VWA3B: variants seen among roughly 807,000 people sequenced by gnomAD.
VWA3B encodes von Willebrand factor A domain containing 3B, also known as von Willebrand factor A domain-containing protein 3B.
A neutral mutation model predicts 158.3 loss-of-function variants in VWA3B; 138 were observed. The ratio of observed to expected loss-of-function variants is 0.87; its 90% CI spans 0.76 to 1.00. The LOEUF (loss-of-function observed/expected upper bound fraction) is 1.00. Ranked by LOEUF, VWA3B falls within the 50% of genes least tolerant of loss-of-function variation. The pLI is 0.00. For synonymous variants in VWA3B, 596 were observed against 587.3 expected (o/e 1.01, Z -0.21); for missense variants, 1,555 against 1,565.1 (o/e 0.99, Z 0.11).
chr2:98,313,849 T>C (rs1435933499), downstream of VWA3B, among the ~76,000 whole-genome samples: 1 of 152,204 alleles, frequency 6.6e-6, no homozygotes, highest in Admixed American at 6.5e-5. Context: ...TACATTGCAG[T>C]GCACAAGGCC....
At chr2:98,268,063 A>C (rs1333998580) in intron 21 of VWA3B, among the ~76,000 whole-genome samples, 1 of 151,886 alleles carries the variant, frequency 6.6e-6, no homozygotes, top group Non-Finnish European at 1.5e-5. Context: ...TTACCAACCA[A>C]AAAGAGTCCA....
chr2:98,244,156 T>C (rs1001353359), intron 19 of VWA3B, among the ~76,000 whole-genome samples: 2 of 152,204 alleles, frequency 1.3e-5, no homozygotes, highest in South Asian at 2.1e-4. Flanking sequence ...GCATATGTTA[T>C]GAACATTTTT....
At chr2:98,104,639 A>G (rs1378933245) in intron 2 of VWA3B, among the ~76,000 whole-genome samples, 1 of 152,238 alleles carries the variant, frequency 6.6e-6, no homozygotes, top group Non-Finnish European at 1.5e-5. Context: ...GTTTGATTCT[A>G]TACATTTAAT....
chr2:98,268,679 CTTT>C (rs74265073), intron 21 of VWA3B, among the ~76,000 whole-genome samples: 5 of 139,334 alleles, frequency 3.6e-5, no homozygotes, highest in Admixed American at 7.1e-5. Context: ...ATCTCCATTC[CTTT>C]TTTTTTTTTT....
At chr2:98,163,285 A>T (rs185321817) in intron 8 of VWA3B, among the ~76,000 whole-genome samples, 1 of 152,250 alleles carries the variant, frequency 6.6e-6, no homozygotes, top group Admixed American at 6.5e-5. Context: ...CACACCTGTT[A>T]CCCCAGCACT....
intron 19 of VWA3B, among the ~76,000 whole-genome samples, chr2:98,239,015 G>T (rs191377463): frequency 6.6e-6 from 1 of 152,160 alleles, no homozygotes; most frequent in South Asian, 2.1e-4. Context: ...CCATCAAATT[G>T]GTAAGGTTAA....
At chr2:98,215,970 T>G (rs1273613653) in intron 13 of VWA3B, among the ~76,000 whole-genome samples, 1 of 152,212 alleles carries the variant, frequency 6.6e-6, no homozygotes, top group African/African-American at 2.4e-5. Flanking sequence ...GATATGGAGA[T>G]GTACCACTCA....
At chr2:98,200,559 A>G (rs991650850) in intron 12 of VWA3B, among the ~76,000 whole-genome samples, 1 of 152,020 alleles carries the variant, frequency 6.6e-6, no homozygotes, top group African/African-American at 2.4e-5. Context: ...AAAAAAAAAA[A>G]AAGACTGACT....
At chr2:98,319,285 A>C in the VWA3B span, among the ~76,000 whole-genome samples, 1 of 152,224 alleles carries the variant, frequency 6.6e-6, no homozygotes, top group Non-Finnish European at 1.5e-5. Context: ...TTCCAGGTGC[A>C]ATAAAATGTT....
In VWA3B at chr2:98,188,097, A is replaced by T. The variant is rs753468105; in HGVS notation, c.1434A>T (p.Arg478Ser). The T allele has an allele frequency of 1.2e-6, 2 of 1,613,846 alleles. No individual in the cohort carries two copies. The highest frequency in any genetic ancestry group is 2.2e-5 in the South Asian group (2 of 91,024). The change falls in exon 10 of 28, where the codon AGA (arginine) becomes AGT (serine). Residue 478 changes from arginine (R) to serine (S), a missense_variant. Transcript: ENST00000477737. ...AGAAGTGCAAGTGGTACAGTGAGAG[A>T]ATCCACACAGCCCTGGCCCGGATCC... ...TKEKCKWYSE[R>S]IHTALARIRR...
chr2:98,107,590 A>G (rs1403966146), intron 2 of VWA3B, among the ~76,000 whole-genome samples: 1 of 152,092 alleles, frequency 6.6e-6, no homozygotes, highest in Non-Finnish European at 1.5e-5. Context: ...ATTATTTTAT[A>G]TTGTGTGAGT....
Position 98,093,177 on chromosome 2 carries a change from G to C in VWA3B, c.85G>C (p.Ala29Pro). 1.9e-6 allele frequency: 3 copies of C among 1,614,106 alleles called. No individual in the cohort carries two copies. Among genetic ancestry groups the C allele is most frequent in the Non-Finnish European group, 2.5e-6 (3 of 1,180,000 alleles). The change falls in exon 2 of 28, where the codon GCT becomes CCT. Residue 29 changes from alanine to proline, a missense_variant. Coordinates refer to ENST00000477737, the MANE Select transcript of VWA3B (RefSeq NM_144992.5). ...ATGGATTAACACCAAAACAGACTTGGCTGAGCAGAGTCTCATTTCATCTGA... is the reference window on the plus strand; with the variant it reads ...ATGGATTAACACCAAAACAGACTTGCCTGAGCAGAGTCTCATTTCATCTGA... ...EGWINTKTDL[A>P]EQSLISSEKW...
chr2:98,232,438 T>A (rs1406074267), intron 16 of VWA3B, among the ~76,000 whole-genome samples: 1 of 152,202 alleles, frequency 6.6e-6, no homozygotes. Context: ...AGAGAATGTA[T>A]AATTAATTGT....
At chr2:98,091,038 C>A (rs1682252879) in intron 1 of VWA3B, among the ~76,000 whole-genome samples, 1 of 152,186 alleles carries the variant, frequency 6.6e-6, no homozygotes. Flanking sequence ...TGAGCCACTG[C>A]ACCCAGCCTC....
At chr2:98,274,731 T>G (rs904458714) in intron 22 of VWA3B, among the ~76,000 whole-genome samples, 1 of 152,204 alleles carries the variant, frequency 6.6e-6, no homozygotes, top group African/African-American at 2.4e-5. Flanking sequence ...ATGTGTGTTT[T>G]AGAAAGATTA....
intron 11 of VWA3B, 66 bp downstream of exon 11, chr2:98,193,102 AG>A: frequency 6.6e-7 from 1 of 1,525,764 alleles, no homozygotes; most frequent in Non-Finnish European, 8.8e-7. Flanking sequence ...AGCAGTGGAT[AG>A]GGGCTTGTTG....
At chr2:98,166,396 G>T (rs925027927) in intron 8 of VWA3B, among the ~76,000 whole-genome samples, 8 of 152,096 alleles carry the variant, frequency 5.3e-5, no homozygotes, top group African/African-American at 1.9e-4. Context: ...GTCATAAAAG[G>T]AGGGCCCTAA....
chr2:98,162,766 C>A, intron 7 of VWA3B, 85 bp from the exon 8 acceptor site: 1 of 1,525,968 alleles, frequency 6.6e-7, no homozygotes, highest in South Asian at 1.2e-5. Flanking sequence ...AGAAACTTGG[C>A]TGCAATGCGT....
chr2:98,179,092 C>T (rs1003149998), intron 8 of VWA3B, among the ~76,000 whole-genome samples: 2 of 152,114 alleles, frequency 1.3e-5, no homozygotes, highest in East Asian at 1.9e-4. Flanking sequence ...ATAAATACTC[C>T]CACCATGGTC....
Sources: gnomAD v4.1 joint callset for allele counts (sites outside exome capture counted in the v4.1 genomes callset) on GRCh38, gnomAD v4.1.1 for gene constraint, MANE v1.5 for transcripts, NCBI Gene and HGNC (gene_info 2026-07-23, HGNC 2026-07-21) for gene names.